The following CACNA1E variants were observed in gnomAD, a reference collection of about 807,000 sequenced individuals.
CACNA1E encodes the protein calcium voltage-gated channel subunit alpha1 E, also known as voltage-dependent R-type calcium channel subunit alpha-1E.
In CACNA1E, 40 loss-of-function variants were observed where a neutral mutation model predicts 259.2. The ratio of observed to expected loss-of-function variants is 0.15; its 90% confidence interval spans 0.12 to 0.20. The LOEUF is 0.20. Ranked by LOEUF, CACNA1E falls within the 10% of genes least tolerant of loss-of-function variation. The pLI, the probability that CACNA1E is intolerant of heterozygous loss-of-function variation, is 1.00. For missense variants in CACNA1E, 1,874 were observed against 3,040.1 expected (o/e 0.62, Z 9.02); for synonymous variants, 1,104 against 1,138.5 (o/e 0.97, Z 0.61).
intron 2 of CACNA1E, among the ~76,000 whole-genome samples, chr1:181,459,084 A>T (rs1320214419): frequency 1.3e-5 from 2 of 152,366 alleles, no homozygotes; most frequent in East Asian, 3.9e-4. Context: ...GATGTCACAG[A>T]CTGTGACTGG....
chr1:181,617,502 G>A (rs1206378861), intron 6 of CACNA1E, among the ~76,000 whole-genome samples: 1 of 152,132 alleles, frequency 6.6e-6, no homozygotes. Context: ...ACTCCCTTGA[G>A]GACTTTTGTT....
chr1:181,491,502 A>T (rs1301786748), intron 1 of CACNA1E, among the ~76,000 whole-genome samples: 1 of 152,182 alleles, frequency 6.6e-6, no homozygotes, highest in Non-Finnish European at 1.5e-5. Flanking sequence ...TGGTTTTGTT[A>T]TCTGCCTGGC....
intron 1 of CACNA1E, among the ~76,000 whole-genome samples, chr1:181,326,911 A>G (rs1457739600): frequency 2.0e-5 from 3 of 152,054 alleles, no homozygotes; most frequent in African/African-American, 7.2e-5. Flanking sequence ...CCTGACGTTC[A>G]TCACCTGACC....
chr1:181,353,768 CATAG>C (rs1339285106), intron 1 of CACNA1E, among the ~76,000 whole-genome samples: 2 of 152,250 alleles, frequency 1.3e-5, no homozygotes, highest in East Asian at 1.9e-4. Context: ...TGAGTGGGAA[CATAG>C]ATAGATTCTA....
chr1:181,494,517 T>C (rs966144830), intron 1 of CACNA1E, among the ~76,000 whole-genome samples: 3 of 152,218 alleles, frequency 2.0e-5, no homozygotes, highest in African/African-American at 7.2e-5. Flanking sequence ...TTTGCTCCAA[T>C]GTTTATCCTG....
intron 1 of CACNA1E, among the ~76,000 whole-genome samples, chr1:181,407,323 A>C (rs931494529): frequency 1.3e-5 from 2 of 152,106 alleles, no homozygotes; most frequent in Non-Finnish European, 2.9e-5. Context: ...TTCATGATAT[A>C]GACTGGAAAT....
intron 1 of CACNA1E, among the ~76,000 whole-genome samples, chr1:181,505,434 C>T (rs1262858949): frequency 3.9e-5 from 6 of 152,046 alleles, no homozygotes; most frequent in Admixed American, 2.6e-4. Context: ...TGCAGTCGCA[C>T]GATCTCAGCT....
chr1:181,792,693 C>A (rs1248146305), intron 44 of CACNA1E, among the ~76,000 whole-genome samples: 4 of 152,092 alleles, frequency 2.6e-5, no homozygotes, highest in African/African-American at 9.7e-5. Flanking sequence ...TTTAGGGTGT[C>A]ATTTCCTAAA....
chr1:181,602,809 T>C (rs1653867090), intron 6 of CACNA1E, among the ~76,000 whole-genome samples: 1 of 152,146 alleles, frequency 6.6e-6, no homozygotes, highest in Non-Finnish European at 1.5e-5. Flanking sequence ...AAACTGATCA[T>C]CCAAGGTTTA....
chr1:181,594,811 C>T (rs1476949053), intron 6 of CACNA1E, among the ~76,000 whole-genome samples: 5 of 152,172 alleles, frequency 3.3e-5, no homozygotes, highest in Non-Finnish European at 7.3e-5. Flanking sequence ...CAATTCAGTA[C>T]TTAGTGCATA....
At chr1:181,566,206 C>T (rs866858090) in intron 3 of CACNA1E, among the ~76,000 whole-genome samples, 1 of 152,136 alleles carries the variant, frequency 6.6e-6, no homozygotes, top group South Asian at 2.1e-4. Context: ...GAAAGCACTC[C>T]AAATTTGGAA....
chr1:181,697,258 C>T (rs927645256), intron 7 of CACNA1E, among the ~76,000 whole-genome samples: 1 of 152,262 alleles, frequency 6.6e-6, no homozygotes, highest in African/African-American at 2.4e-5. Flanking sequence ...TCAGGTGGCA[C>T]AGGTCCCCTG....
chr1:181,384,253 A>G (rs1462157373), intron 1 of CACNA1E, among the ~76,000 whole-genome samples: 1 of 152,182 alleles, frequency 6.6e-6, no homozygotes, highest in Non-Finnish European at 1.5e-5. Context: ...CCATAAAGTG[A>G]GGGATACCTG....
chr1:181,706,182 G>C (rs558154484), intron 7 of CACNA1E, among the ~76,000 whole-genome samples: 1 of 152,228 alleles, frequency 6.6e-6, no homozygotes, highest in South Asian at 2.1e-4. Context: ...TGCTCCAAGG[G>C]AACTGGATAA....
intron 2 of CACNA1E, among the ~76,000 whole-genome samples, chr1:181,440,567 G>C (rs1660393334): frequency 6.6e-6 from 1 of 152,096 alleles, no homozygotes; most frequent in African/African-American, 2.4e-5. Context: ...AGGCAGAAAG[G>C]GTTGATGTTG....
At chr1:181,704,809 A>G (rs1398517821) in intron 7 of CACNA1E, among the ~76,000 whole-genome samples, 1 of 152,084 alleles carries the variant, frequency 6.6e-6, no homozygotes, top group Non-Finnish European at 1.5e-5. Flanking sequence ...CCGGGAGGAG[A>G]GGTCTGGAGC....
chr1:181,764,784 C>CG (rs553037967), intron 34 of CACNA1E, among the ~76,000 whole-genome samples: 2 of 148,352 alleles, frequency 1.3e-5, no homozygotes, highest in Admixed American at 6.8e-5. Flanking sequence ...CTTTTAAAAC[C>CG]TTTTTTTTTT....
intron 6 of CACNA1E, among the ~76,000 whole-genome samples, chr1:181,602,687 T>C (rs1424290826): frequency 6.6e-6 from 1 of 152,166 alleles, no homozygotes; most frequent in African/African-American, 2.4e-5. Flanking sequence ...GTGAGATGGT[T>C]GGATGCCATT....
chr1:181,493,152 A>G (rs371828765), intron 1 of CACNA1E, among the ~76,000 whole-genome samples: 2 of 152,204 alleles, frequency 1.3e-5, no homozygotes, highest in African/African-American at 2.4e-5. Context: ...ACAATTTTGC[A>G]TTCAATTTTA....
Sources: allele counts gnomAD v4.1 joint callset (sites outside exome capture counted in the v4.1 genomes callset), GRCh38; gene constraint gnomAD v4.1.1; transcripts MANE v1.5; gene names NCBI Gene and HGNC (gene_info 2026-07-23, HGNC 2026-07-21).